SFXN5: variants seen among roughly 807,000 people sequenced by gnomAD.
SFXN5 encodes the protein sideroflexin-5.
Under a neutral mutation model 50.2 loss-of-function variants are expected in SFXN5, and 43 were observed. The observed-to-expected ratio is 0.86, with a 90% CI of 0.67 to 1.11. The LOEUF (loss-of-function observed/expected upper bound fraction) is 1.11. Among genes scored for constraint, SFXN5 ranks in the 50% least tolerant of loss-of-function variants. The pLI, the probability that SFXN5 is intolerant of heterozygous loss-of-function variation, is 0.00. For missense variants in SFXN5, 463 were observed against 454.1 expected (o/e 1.02, Z -0.18); for synonymous variants, 203 against 185.8 (o/e 1.09, Z -0.75).
intron 3 of SFXN5, among the ~76,000 whole-genome samples, chr2:73,029,786 A>T (rs1678063789): frequency 6.6e-6 from 1 of 152,246 alleles, no homozygotes; most frequent in East Asian, 1.9e-4. Context: ...AAAGTCCCAC[A>T]GCAGGCTGGG....
chr2:73,071,558 C>G, intron 1 of SFXN5, 46 bp downstream of exon 1: 3 of 1,576,172 alleles, frequency 1.9e-6, no homozygotes, highest in Non-Finnish European at 2.6e-6. Context: ...TTTGCTCGTC[C>G]TCTCTTTGCC....
At chr2:72,957,853 G>A (rs1399530601) in intron 13 of SFXN5, among the ~76,000 whole-genome samples, 1 of 152,198 alleles carries the variant, frequency 6.6e-6, no homozygotes, top group Non-Finnish European at 1.5e-5. Context: ...AGCTGAGGAG[G>A]GAGCTCTGAA....
intron 1 of SFXN5, among the ~76,000 whole-genome samples, chr2:73,061,686 C>T (rs1419186233): frequency 1.3e-5 from 2 of 152,024 alleles, no homozygotes; most frequent in Non-Finnish European, 2.9e-5. Context: ...TACTAAAATG[C>T]TAATAGAGAT....
rs1671827459 is a variant in SFXN5 at position 72,945,395 on chromosome 2, C to A, written c.946-296G>T. ...CTCTGAGTTCTGCATCTCCCTCACC[C>A]CCAAGAACCATGTCCACTGCACTGC... On this transcript the variant is annotated intron_variant, in intron 13 of 13. Coordinates refer to ENST00000272433, the MANE Select transcript of SFXN5 (RefSeq NM_144579.3). The surrounding 1 kb of genome is among the most constrained non-coding windows in gnomAD (Gnocchi z 5.8). Among the ~76,000 whole-genome samples the A allele has an allele frequency of 6.6e-6, 1 of 152,220 alleles. No individual in the cohort carries two copies. Among genetic ancestry groups the A allele is most frequent in the African/African-American group, 2.4e-5 (1 of 41,534 alleles).
intron 2 of SFXN5, among the ~76,000 whole-genome samples, chr2:73,053,006 C>T (rs1007255509): frequency 2.0e-5 from 3 of 152,082 alleles, no homozygotes; most frequent in African/African-American, 7.2e-5. Context: ...GGCAAAACCC[C>T]GTCTCTACAA....
At chr2:73,031,135 A>G (rs955635639) in intron 3 of SFXN5, among the ~76,000 whole-genome samples, 10 of 152,226 alleles carry the variant, frequency 6.6e-5, no homozygotes, top group Admixed American at 6.5e-4. Context: ...TGTTGTCCAT[A>G]GTCATAGAAC....
Position 72,944,331 on chromosome 2 carries a change from G to C in SFXN5, c.*691C>G, listed in dbSNP as rs997786365. 2 of 152,318 alleles carry C rather than the reference G, an allele frequency of 1.3e-5. No individual in the cohort carries two copies. The highest frequency in any genetic ancestry group is 4.8e-5 in the African/African-American group (2 of 41,444). The allele number at this position is 152,318 out of a possible 1,614,324, so 9.4% of individuals were successfully genotyped here. A position where few individuals can be genotyped will look rare whatever the true frequency, so the allele number is the denominator to read the frequency against. On this transcript the variant is annotated 3_prime_UTR_variant, in exon 14 of 14. Transcript: ENST00000272433. ...CTCCAGGGTCACTGGACTTCACTCA[G>C]AGGGACTGGTTCTGCAGCTCTGGAA... is the stretch of plus-strand genomic sequence containing the variant.
intron 1 of SFXN5, chr2:73,070,617 C>G (rs1051313373): frequency 6.6e-6 from 1 of 151,900 alleles, no homozygotes; most frequent in African/African-American, 2.4e-5. Flanking sequence ...CGAGGGTCTG[C>G]GGCGCGGGAG....
intron 6 of SFXN5, among the ~76,000 whole-genome samples, chr2:73,005,483 G>A (rs888288713): frequency 3.3e-5 from 5 of 152,210 alleles, no homozygotes; most frequent in Admixed American, 1.3e-4. Flanking sequence ...TTAAGTGAAG[G>A]ACAATCCCAG....
chr2:73,064,285 G>C (rs1683019477), intron 1 of SFXN5, among the ~76,000 whole-genome samples: 1 of 152,262 alleles, frequency 6.6e-6, no homozygotes, highest in Non-Finnish European at 1.5e-5. Context: ...GGCTGGGCCA[G>C]CCCAGTAGTC....
At chr2:73,008,598 A>T (rs1213184398) in intron 6 of SFXN5, among the ~76,000 whole-genome samples, 1 of 152,144 alleles carries the variant, frequency 6.6e-6, no homozygotes, top group Non-Finnish European at 1.5e-5. Context: ...CGTGCATGGA[A>T]GCGGCAGTGC....
At chr2:72,970,206 G>A (rs1674987181) in intron 11 of SFXN5, among the ~76,000 whole-genome samples, 1 of 152,188 alleles carries the variant, frequency 6.6e-6, no homozygotes, top group African/African-American at 2.4e-5. Context: ...AGGAAACTGA[G>A]ACTAAATCCC....
intron 3 of SFXN5, among the ~76,000 whole-genome samples, chr2:73,035,540 C>A (rs1043963409): frequency 6.2e-5 from 9 of 145,850 alleles, no homozygotes; most frequent in African/African-American, 2.3e-4. Context: ...CACTCTGTCA[C>A]CCAGGCTGGA....
rs1672767532 is a variant in SFXN5, at chr2:72,953,597, A to T, written c.945+7534T>A. Among the ~76,000 whole-genome samples the T allele has an allele frequency of 6.6e-6, 1 of 152,220 alleles. No homozygotes were observed. Among genetic ancestry groups the T allele is most frequent in the African/African-American group, 2.4e-5 (1 of 41,458 alleles). ...CTCTGCCACAGGGACACCTTGTGTC[A>T]TGGAAGGGAGAAAGGTCTACTGTCC... On this transcript the variant is annotated intron_variant, in intron 13 of 13. Coordinates refer to ENST00000272433, the MANE Select transcript of SFXN5 (RefSeq NM_144579.3). This position sits in a 1 kb window ranked among gnomAD's most constrained non-coding sequence, Gnocchi z 4.1.
At chr2:73,008,423 C>T (rs940554706) in intron 6 of SFXN5, among the ~76,000 whole-genome samples, 1 of 151,522 alleles carries the variant, frequency 6.6e-6, no homozygotes, top group Non-Finnish European at 1.5e-5. Flanking sequence ...CACAAATGCT[C>T]TCTGGGAGAG....
rs1191177154 is a variant in SFXN5, at chr2:73,056,392, A to G, written c.171+2136T>C. On this transcript the variant is annotated intron_variant, in intron 2 of 13. Coordinates refer to ENST00000272433, the MANE Select transcript of SFXN5 (RefSeq NM_144579.3). ...AGCGAGACTCTGTCTCAAAAAAAAA[A>G]AAGTATGTCAAGGCCAGGCGCAGTG... 4.6e-5 allele frequency among the ~76,000 whole-genome samples: 7 copies of G among 151,878 alleles called. No individual in the cohort carries two copies. In the East Asian group the frequency reaches 1.4e-3, roughly 29 times the overall value.
chr2:73,000,063 T>A (rs192929563), intron 8 of SFXN5, among the ~76,000 whole-genome samples: 2 of 152,314 alleles, frequency 1.3e-5, no homozygotes, highest in East Asian at 1.9e-4. Context: ...GGAAGCTTTA[T>A]GGGAATTTTG....
chr2:73,021,539 G>A (rs1676887328), intron 5 of SFXN5, among the ~76,000 whole-genome samples: 1 of 152,138 alleles, frequency 6.6e-6, no homozygotes, highest in African/African-American at 2.4e-5. Flanking sequence ...GCAAAGCCAG[G>A]GGGTCACAGG....
chr2:73,001,437 G>A (rs1175145695), intron 7 of SFXN5, 88 bp downstream of exon 7: 5 of 1,390,544 alleles, frequency 3.6e-6, no homozygotes, highest in Non-Finnish European at 3.1e-6. Flanking sequence ...GGGTCTGGAC[G>A]GGGCAGGAGA....
Sources: gnomAD v4.1 joint callset for allele counts (sites outside exome capture counted in the v4.1 genomes callset) on GRCh38, gnomAD v4.1.1 for gene constraint, Gnocchi (gnomAD v3.1) non-coding constraint, MANE v1.5 for transcripts, NCBI Gene and HGNC (gene_info 2026-07-23, HGNC 2026-07-21) for gene names.